Variants in DTWD2 observed in about 807,000 individuals in gnomAD.
DTWD2 encodes the protein DTW motif tRNA-uridine aminocarboxypropyltransferase 2.
Under a neutral mutation model 31.8 loss-of-function variants are expected in DTWD2, and 39 were observed. The ratio of observed to expected loss-of-function variants is 1.22; its 90% CI spans 0.95 to 1.60. DTWD2 has a LOEUF of 1.60. Ranked by LOEUF, DTWD2 falls within the 40% of genes most tolerant of loss-of-function variation. The pLI, the probability that DTWD2 is intolerant of heterozygous loss-of-function variation, is 0.00. For synonymous variants in DTWD2, 180 were observed against 142.8 expected, an observed-to-expected ratio of 1.26 and a Z score of -1.86; for missense variants, 515 against 381.5, an observed-to-expected ratio of 1.35 and a Z score of -2.92.
intron 5 of DTWD2, among the ~76,000 whole-genome samples, chr5:118,843,330 C>T (rs1239467041): frequency 1.7e-5 from 2 of 115,250 alleles, no homozygotes; most frequent in Non-Finnish European, 3.6e-5. Context: ...AGGAAGGAAG[C>T]GAGGGAGGGA....
chr5:118,905,126 TGTATAA>T lies in DTWD2; in HGVS notation c.597+23405_597+23410del, dbSNP rs916734574. The stretch of plus-strand genomic sequence containing the variant: ...TGGATATGTGTCTGTGCTATATTAA[TGTATAA>T]GTATAAGCATATGTTTTAAAAATAA... On this transcript the variant is annotated intron_variant, in intron 4 of 5. Transcript: ENST00000510708. Among the ~76,000 whole-genome samples, 121 of 152,284 alleles carry T rather than the reference TGTATAA, an allele frequency of 7.9e-4. 1 individual carries two copies. The highest frequency in any genetic ancestry group is 2.7e-3 in the African/African-American group (112 of 41,592).
At chr5:118,913,440 C>CAT (rs2149571771) in intron 4 of DTWD2, among the ~76,000 whole-genome samples, 1 of 146,034 alleles carries the variant, frequency 6.8e-6, no homozygotes, top group South Asian at 2.1e-4. Flanking sequence ...TATACACACA[C>CAT]ACACACACAC....
intron 1 of DTWD2, among the ~76,000 whole-genome samples, chr5:118,985,517 T>TATATATATATATATATATATAC (rs1554072595): frequency 1.0e-3 from 113 of 107,640 alleles, no homozygotes; most frequent in Non-Finnish European, 1.8e-3. Flanking sequence ...TATATATATA[T>TATATATATATATATATATATAC]ACACACACAT....
intron 1 of DTWD2, among the ~76,000 whole-genome samples, chr5:118,973,280 A>C (rs1166492029): frequency 6.6e-6 from 1 of 152,176 alleles, no homozygotes; most frequent in African/African-American, 2.4e-5. Flanking sequence ...GTTACGTATG[A>C]ATATGATCCT....
Position 118,942,518 on chromosome 5 carries a change from A to T in DTWD2, c.309+2041T>A, listed in dbSNP as rs113351877. On this transcript the variant is annotated intron_variant, in intron 2 of 5. Coordinates refer to ENST00000510708, the MANE Select transcript of DTWD2 (RefSeq NM_173666.4). The stretch of plus-strand genomic sequence containing the variant: ...TAAAAATAAGGTATTTGAAAACATT[A>T]AAAAAAAAAGGCCAAGCATGATGGC... 5.2e-3 allele frequency among the ~76,000 whole-genome samples: 769 copies of T among 147,510 alleles called. 6 individuals carry two copies. Among genetic ancestry groups the T allele is most frequent in the African/African-American group, 0.018 (745 of 40,472 alleles).
rs1409427222 is a variant in DTWD2, at chr5:118,882,309, C to T, written c.598-34091G>A. On this transcript the variant is annotated intron_variant, in intron 4 of 5. Coordinates refer to ENST00000510708, the MANE Select transcript of DTWD2 (RefSeq NM_173666.4). ...TTCCAAAGTCTTGCACATCTCAGCC[C>T]CTGTGGCTCTGCAGGGCACAGTCCC... 2.0e-5 allele frequency among the ~76,000 whole-genome samples: 3 copies of T among 152,364 alleles called. No homozygotes were observed. In the South Asian group the frequency reaches 6.2e-4, roughly 32 times the overall value.
intron 4 of DTWD2, among the ~76,000 whole-genome samples, chr5:118,895,807 C>A (rs956002857): frequency 6.6e-6 from 1 of 152,074 alleles, no homozygotes; most frequent in African/African-American, 2.4e-5. Flanking sequence ...AACTGGATAT[C>A]CACATGCAGA....
At chr5:118,936,078 A>G (rs1754038860) in intron 3 of DTWD2, among the ~76,000 whole-genome samples, 1 of 152,230 alleles carries the variant, frequency 6.6e-6, no homozygotes, top group Non-Finnish European at 1.5e-5. Flanking sequence ...AAACATAATC[A>G]TGATACATCT....
chr5:118,957,573 T>TA (rs1754614461), intron 1 of DTWD2, among the ~76,000 whole-genome samples: 3 of 152,052 alleles, frequency 2.0e-5, no homozygotes, highest in Non-Finnish European at 4.4e-5. Flanking sequence ...AAAACGGTGA[T>TA]ATATATAATA....
In DTWD2 at chr5:118,844,174, C is replaced by T. The variant is rs189334050; in HGVS notation, c.727-3087G>A. 4.3e-3 allele frequency among the ~76,000 whole-genome samples: 650 copies of T among 152,278 alleles called. 9 individuals carry two copies. Among genetic ancestry groups the T allele is most frequent in the East Asian group, 0.029 (151 of 5,192 alleles). On this transcript the variant is annotated intron_variant, in intron 5 of 5. Coordinates refer to ENST00000510708, the MANE Select transcript of DTWD2 (RefSeq NM_173666.4). ...CAACTTCAGAGTTTTAAAGTTGTAG[C>T]CTATCCTAGTAAATCCTTTTTGCTG...
intron 4 of DTWD2, among the ~76,000 whole-genome samples, chr5:118,879,787 C>T (rs899661391): frequency 2.0e-5 from 3 of 151,928 alleles, no homozygotes; most frequent in Non-Finnish European, 4.4e-5. Context: ...AAACAACACA[C>T]ATTGGGGCCT....
intron 4 of DTWD2, among the ~76,000 whole-genome samples, chr5:118,864,386 G>C (rs543567972): frequency 7.9e-5 from 12 of 151,428 alleles, no homozygotes; most frequent in Admixed American, 1.3e-4. Flanking sequence ...GTTGTGGGGT[G>C]GGGGGAAGGA....
chr5:118,924,044 C>G (rs570847606), intron 4 of DTWD2, among the ~76,000 whole-genome samples: 3 of 152,188 alleles, frequency 2.0e-5, no homozygotes, highest in Non-Finnish European at 2.9e-5. Context: ...GATTCTGTAT[C>G]CCTCCCCTAC....
At chr5:118,880,550 T>C (rs750114818) in intron 4 of DTWD2, among the ~76,000 whole-genome samples, 8 of 152,178 alleles carry the variant, frequency 5.3e-5, no homozygotes, top group Non-Finnish European at 1.2e-4. Flanking sequence ...AATTCTCATA[T>C]ATTTGTTGGG....
At chr5:118,908,365 C>A (rs2149569502) in intron 4 of DTWD2, among the ~76,000 whole-genome samples, 1 of 152,166 alleles carries the variant, frequency 6.6e-6, no homozygotes, top group East Asian at 1.9e-4. Flanking sequence ...ATCTAACACC[C>A]TAGATACATC....
rs34808087 is a variant in DTWD2, at chr5:118,850,477, C to CAAAAAAAAAAAAAAA, written c.598-2274_598-2260dup. On this transcript the variant is annotated intron_variant, in intron 4 of 5. Transcript: ENST00000510708. ...TGGGTGACAGAGCCAGACCCCACCA[C>CAAAAAAAAAAAAAAA]AAAAAAAAAAAAAAAAAAAAAAAAA... 1.3e-4 allele frequency among the ~76,000 whole-genome samples: 4 copies of CAAAAAAAAAAAAAAA among 30,474 alleles called. 1 individual carries two copies. Among genetic ancestry groups the CAAAAAAAAAAAAAAA allele is most frequent in the African/African-American group, 2.0e-4 (2 of 10,026 alleles). The allele number at this position is 30,474 out of a possible 152,430, so 20.0% of individuals were successfully genotyped here.
chr5:118,917,329 T>C (rs1753600161), intron 4 of DTWD2, among the ~76,000 whole-genome samples: 1 of 152,180 alleles, frequency 6.6e-6, no homozygotes, highest in South Asian at 2.1e-4. Context: ...GAGGGTCCCT[T>C]TCCCTAAAAT....
At chr5:118,960,163 T>C (rs2149592611) in intron 1 of DTWD2, among the ~76,000 whole-genome samples, 1 of 152,112 alleles carries the variant, frequency 6.6e-6, no homozygotes, top group East Asian at 1.9e-4. Flanking sequence ...ACTCACAAAA[T>C]GGGAGAAAAT....
intron 1 of DTWD2, among the ~76,000 whole-genome samples, chr5:118,961,217 T>C (rs1372743063): frequency 6.6e-6 from 1 of 152,186 alleles, no homozygotes; most frequent in Non-Finnish European, 1.5e-5. Context: ...TGATGACAGT[T>C]ATGGATCAAC....
Sources: allele counts gnomAD v4.1 joint callset (sites outside exome capture counted in the v4.1 genomes callset), GRCh38; gene constraint gnomAD v4.1.1; transcripts MANE v1.5; gene names NCBI Gene and HGNC (gene_info 2026-07-23, HGNC 2026-07-21).